ERC2: variants seen among roughly 807,000 people sequenced by gnomAD.
ERC2 encodes ERC protein 2.
ERC2 carries 42 observed loss-of-function variants against 114.8 expected under a neutral mutation model. The observed-to-expected ratio is 0.37, with a 90% CI of 0.29 to 0.47. The LOEUF is 0.47. Ranked by LOEUF, ERC2 falls within the 20% of genes least tolerant of loss-of-function variation. ERC2 has a pLI of 0.99. For missense variants in ERC2, 939 were observed against 1,150.7 expected (o/e 0.82, Z 2.66); for synonymous variants, 454 against 425.5 (o/e 1.07, Z -0.82).
chr3:56,181,599 C>A (rs2083290705), intron 3 of ERC2, among the ~76,000 whole-genome samples: 1 of 152,204 alleles, frequency 6.6e-6, no homozygotes, highest in Non-Finnish European at 1.5e-5. Context: ...TAGTTTAAAT[C>A]ATGTCCACAA....
chr3:55,533,094 G>A (rs182581043), intron 17 of ERC2, among the ~76,000 whole-genome samples: 6 of 152,338 alleles, frequency 3.9e-5, no homozygotes, highest in Admixed American at 2.6e-4. Context: ...AGGACCACAG[G>A]GTAAGGCCTC....
At chr3:55,592,280 A>C (rs1210928922) in intron 17 of ERC2, among the ~76,000 whole-genome samples, 2 of 152,140 alleles carry the variant, frequency 1.3e-5, no homozygotes, top group African/African-American at 4.8e-5. Context: ...CATTTTTCTC[A>C]TCTGTTGAAA....
chr3:56,083,868 A>T (rs2077365746), intron 6 of ERC2, among the ~76,000 whole-genome samples: 1 of 152,148 alleles, frequency 6.6e-6, no homozygotes, highest in African/African-American at 2.4e-5. Context: ...GAGATATCAA[A>T]ATAACCGAAC....
At position 56,007,206 on chromosome 3, in the gene ERC2, C is replaced by G; in HGVS notation, c.2036G>C (p.Ser679Thr). 6.4e-7 allele frequency: 1 copy of G among 1,573,254 alleles called. No homozygotes were observed. The highest frequency in any genetic ancestry group is 8.6e-7 in the Non-Finnish European group (1 of 1,157,990). ...CTTTTTTAACTGTGCTTCCAATTTG[C>G]TACATTCCTCTTTCTTTTGTTCAAT... ...IAIEQKKEEC[S>T]KLEAQLKKAH... is the part of the protein sequence containing the mutation. The change falls in exon 10 of 18, where the codon AGC (serine) becomes ACC (threonine). Residue 679 changes from serine (S) to threonine (T), a missense_variant. Ser to Thr is a moderately conservative substitution (Grantham distance 58, BLOSUM62 1). This residue lies in a region of ERC2 where 328 missense variants were observed against 353.9 expected (regional missense o/e 0.93). Transcript: ENST00000288221.
chr3:55,827,330 A>C (rs1316381960), intron 14 of ERC2, among the ~76,000 whole-genome samples: 1 of 151,994 alleles, frequency 6.6e-6, no homozygotes, highest in Non-Finnish European at 1.5e-5. Context: ...GAAAGAGAAA[A>C]AGAAAGAGGG....
At chr3:55,879,565 C>T (rs1278963026) in intron 14 of ERC2, among the ~76,000 whole-genome samples, 2 of 152,162 alleles carry the variant, frequency 1.3e-5, no homozygotes, top group Non-Finnish European at 1.5e-5. Flanking sequence ...TCCTCACAGT[C>T]TACCAACCAT....
chr3:56,176,614 A>T (rs1235782895), intron 3 of ERC2, among the ~76,000 whole-genome samples: 1 of 152,204 alleles, frequency 6.6e-6, no homozygotes, highest in Non-Finnish European at 1.5e-5. Flanking sequence ...ATATTTTTCA[A>T]TCCTGACTTC....
intron 2 of ERC2, among the ~76,000 whole-genome samples, chr3:56,420,423 C>G (rs1163987961): frequency 6.6e-6 from 1 of 151,894 alleles, no homozygotes; most frequent in Non-Finnish European, 1.5e-5. Flanking sequence ...AGTGATCCTC[C>G]CACTTCTGTC....
In ERC2 at chr3:55,600,704, T is replaced by C. The variant is rs115788929; in HGVS notation, c.*39+83090A>G. On this transcript the variant is annotated intron_variant, in intron 17 of 17. Coordinates refer to ENST00000288221, the MANE Select transcript of ERC2 (RefSeq NM_015576.3). Reference sequence around the variant, plus strand: ...GGAATAGAAGCCTAGAAGAGTGCTGTTGGGGGCAGAACACTTGTCCCAGAG... The same window carrying C: ...GGAATAGAAGCCTAGAAGAGTGCTGCTGGGGGCAGAACACTTGTCCCAGAG... Among the ~76,000 whole-genome samples, 856 of 152,316 alleles carry C rather than the reference T, an allele frequency of 5.6e-3. 13 individuals are homozygous for C. The highest frequency in any genetic ancestry group is 0.02 in the African/African-American group (824 of 41,570).
chr3:56,163,689 T>A (rs2082173671), intron 4 of ERC2, among the ~76,000 whole-genome samples: 1 of 152,082 alleles, frequency 6.6e-6, no homozygotes, highest in South Asian at 2.1e-4. Context: ...CCCCTGCTCC[T>A]TTTTTGTTTG....
intron 13 of ERC2, among the ~76,000 whole-genome samples, chr3:55,941,210 C>T (rs2066762403): frequency 1.3e-5 from 2 of 152,050 alleles, no homozygotes; most frequent in Admixed American, 1.3e-4. Flanking sequence ...TAAGACTTGT[C>T]TTGGGATCAG....
chr3:56,180,021 G>A (rs2083204333), intron 3 of ERC2, among the ~76,000 whole-genome samples: 1 of 152,144 alleles, frequency 6.6e-6, no homozygotes, highest in Non-Finnish European at 1.5e-5. Context: ...TCAGGAGCAA[G>A]CAGCAAAGGA....
intron 7 of ERC2, among the ~76,000 whole-genome samples, chr3:56,079,319 G>A (rs2077119586): frequency 6.6e-6 from 1 of 152,094 alleles, no homozygotes; most frequent in Admixed American, 6.6e-5. Context: ...GCACACCTCA[G>A]TCAAGGCCTT....
chr3:55,754,392 A>T (rs1443101492), intron 14 of ERC2, among the ~76,000 whole-genome samples: 2 of 151,678 alleles, frequency 1.3e-5, no homozygotes, highest in African/African-American at 2.4e-5. Context: ...TGACAGTGTA[A>T]CTAAGACATT....
chr3:55,593,368 A>G (rs2057989333), intron 17 of ERC2, among the ~76,000 whole-genome samples: 1 of 152,094 alleles, frequency 6.6e-6, no homozygotes, highest in African/African-American at 2.4e-5. Context: ...CATAAGGGAG[A>G]TCCTAGGAGG....
At chr3:55,672,029 C>T (rs2061581205) in intron 17 of ERC2, among the ~76,000 whole-genome samples, 1 of 152,138 alleles carries the variant, frequency 6.6e-6, no homozygotes, top group Non-Finnish European at 1.5e-5. Flanking sequence ...ATTTGAACAC[C>T]ATATGCCTTT....
At chr3:55,803,548 G>A (rs1253663675) in intron 14 of ERC2, among the ~76,000 whole-genome samples, 2 of 150,640 alleles carry the variant, frequency 1.3e-5, no homozygotes, top group Non-Finnish European at 3.0e-5. Context: ...TTTTGTAAAG[G>A]CATCATTTTT....
In ERC2 at chr3:55,883,467, CA is replaced by C. The variant is rs577401555; in HGVS notation, c.2564+4921del. On this transcript the variant is annotated intron_variant, in intron 14 of 17. Coordinates refer to ENST00000288221, the MANE Select transcript of ERC2 (RefSeq NM_015576.3). ...ACCAGAGGTCATTGTGATGATTAAA[CA>C]GTTCTGCATCTTGACTGTGGTGGTG... Among the ~76,000 whole-genome samples the C allele has an allele frequency of 5.3e-5, 8 of 152,090 alleles. No individual in the cohort carries two copies. The East Asian group carries it at 1.5e-3, about 29-fold the overall frequency.
intron 17 of ERC2, among the ~76,000 whole-genome samples, chr3:55,534,570 C>T (rs1332485469): frequency 6.6e-6 from 1 of 151,498 alleles, no homozygotes; most frequent in Non-Finnish European, 1.5e-5. Flanking sequence ...GTAGCACACG[C>T]CTGTAGTCCC....
Sources: gnomAD v4.1 joint callset for allele counts (sites outside exome capture counted in the v4.1 genomes callset) on GRCh38, gnomAD v4.1.1 for gene constraint, gnomAD v4.1.1 regional missense constraint, MANE v1.5 for transcripts, NCBI Gene and HGNC (gene_info 2026-07-23, HGNC 2026-07-21) for gene names.